Variants in TRPS1 observed in about 807,000 individuals in gnomAD.
TRPS1 encodes zinc finger transcription factor Trps1.
A neutral mutation model predicts 101.2 loss-of-function variants in TRPS1; 6 were observed. The observed-to-expected ratio is 0.06, with a 90% CI of 0.03 to 0.12. TRPS1 has a LOEUF of 0.12. Ranked by LOEUF, TRPS1 falls within the 10% of genes least tolerant of loss-of-function variation. The pLI, the probability that TRPS1 is intolerant of heterozygous loss-of-function variation, is 1.00. For missense variants in TRPS1, 1,363 were observed against 1,567.0 expected (o/e 0.87, Z 2.20); for synonymous variants, 578 against 589.8 (o/e 0.98, Z 0.29).
At chr8:115,446,836 G>A (rs1208616012) in intron 5 of TRPS1, among the ~76,000 whole-genome samples, 1 of 152,050 alleles carries the variant, frequency 6.6e-6, no homozygotes, top group Non-Finnish European at 1.5e-5. Context: ...CTATTCTGAC[G>A]TCTTTTTATG....
intron 4 of TRPS1, among the ~76,000 whole-genome samples, chr8:115,597,380 A>G (rs1375115935): frequency 6.6e-6 from 1 of 151,946 alleles, no homozygotes; most frequent in Non-Finnish European, 1.5e-5. Context: ...AACTTTATCA[A>G]TCCTTAGCTT....
At position 115,587,376 on chromosome 8, in the gene TRPS1, C is replaced by T. The variant is rs1158536861; in HGVS notation, c.2325G>A (p.Glu775=). The change falls in exon 5 of 7, where the codon GAG becomes GAA. Residue 775 remains glutamate (E), a synonymous_variant. Coordinates refer to ENST00000395715, the MANE Select transcript of TRPS1 (RefSeq NM_014112.5). ...CCAGCTTCTCTCTCTTCACCACACT[C>T]TCAGAAACTGGCTCTCCCATTTTAG... ...PDSKMGEPVS[E]SVVKREKLEE... 6 of 1,614,230 alleles carry T rather than the reference C, an allele frequency of 3.7e-6. No individual in the cohort carries two copies. The highest frequency in any genetic ancestry group is 4.2e-6 in the Non-Finnish European group (5 of 1,180,024).
intron 5 of TRPS1, among the ~76,000 whole-genome samples, chr8:115,573,854 A>G (rs1415294561): frequency 6.6e-6 from 1 of 152,072 alleles, no homozygotes; most frequent in East Asian, 1.9e-4. Flanking sequence ...TGTTTCTTCT[A>G]TATTGGCTTA....
chr8:115,486,514 G>A (rs1016035663), intron 5 of TRPS1, among the ~76,000 whole-genome samples: 4 of 152,232 alleles, frequency 2.6e-5, no homozygotes, highest in Non-Finnish European at 5.9e-5. Context: ...GAGACAGGCC[G>A]AAAGCTAGGC....
At chr8:115,520,103 C>T (rs916204513) in intron 5 of TRPS1, among the ~76,000 whole-genome samples, 6 of 151,306 alleles carry the variant, frequency 4.0e-5, no homozygotes, top group Non-Finnish European at 5.9e-5. Context: ...AATTCATCAA[C>T]AGATGACATG....
chr8:115,464,665 G>C (rs1814274050), intron 5 of TRPS1, among the ~76,000 whole-genome samples: 2 of 152,078 alleles, frequency 1.3e-5, no homozygotes, highest in African/African-American at 4.8e-5. Context: ...ACTCATTTTT[G>C]TAATACAACA....
At chr8:115,493,149 A>G (rs1476458781) in intron 5 of TRPS1, among the ~76,000 whole-genome samples, 2 of 152,208 alleles carry the variant, frequency 1.3e-5, no homozygotes, top group Non-Finnish European at 2.9e-5. Context: ...CTGGACTATT[A>G]GCAAGAGTCT....
chr8:115,516,994 T>TA lies in TRPS1; in HGVS notation c.2700+70006dup, dbSNP rs952008666. On this transcript the variant is annotated intron_variant, in intron 5 of 6. Transcript: ENST00000395715. ...ATTTTTGCAAGGAGTGGTTAGTGGT[T>TA]AAAAAAAAAAAAATTCCTTTTCCGG... is the stretch of plus-strand genomic sequence containing the variant. Among the ~76,000 whole-genome samples, 843 of 144,938 alleles carry TA rather than the reference T, an allele frequency of 5.8e-3. 7 individuals are homozygous for TA. Among genetic ancestry groups the TA allele is most frequent in the African/African-American group, 0.018 (717 of 40,000 alleles).
chr8:115,583,046 A>C (rs192666674), intron 5 of TRPS1, among the ~76,000 whole-genome samples: 2 of 152,298 alleles, frequency 1.3e-5, no homozygotes, highest in Non-Finnish European at 2.9e-5. Context: ...AAAACTACAC[A>C]ATGTTGGTTA....
At chr8:115,601,149 GC>G (rs1817898877) in intron 4 of TRPS1, among the ~76,000 whole-genome samples, 1 of 152,062 alleles carries the variant, frequency 6.6e-6, no homozygotes, top group South Asian at 2.1e-4. Context: ...ACAGTTCATG[GC>G]TTATGCTAAT....
intron 3 of TRPS1, among the ~76,000 whole-genome samples, chr8:115,616,264 T>C (rs1324988035): frequency 1.3e-5 from 2 of 152,238 alleles, no homozygotes; most frequent in East Asian, 3.9e-4. Flanking sequence ...ACTTAGTCAT[T>C]TGTGATCTAA....
intron 5 of TRPS1, among the ~76,000 whole-genome samples, chr8:115,569,619 CTCT>C (rs1426818083): frequency 6.6e-6 from 1 of 152,054 alleles, no homozygotes; most frequent in Non-Finnish European, 1.5e-5. Context: ...TAGTATCTTT[CTCT>C]TCTTCTTATC....
At chr8:115,445,567 A>G (rs1057412234) in intron 5 of TRPS1, among the ~76,000 whole-genome samples, 3 of 152,202 alleles carry the variant, frequency 2.0e-5, no homozygotes, top group South Asian at 2.1e-4. Context: ...TTGTTACTGT[A>G]TGAGATCGCA....
chr8:115,415,204 G>A (rs1812890057), intron 6 of TRPS1, 120 bp from the exon 7 acceptor site: 2 of 1,069,564 alleles, frequency 1.9e-6, no homozygotes, highest in Non-Finnish European at 2.6e-6. Context: ...GCTTTCTGCT[G>A]TAGATTTACT....
intron 5 of TRPS1, among the ~76,000 whole-genome samples, chr8:115,424,828 G>A (rs528237798): frequency 2.9e-4 from 44 of 152,274 alleles, no homozygotes; most frequent in Middle Eastern, 3.4e-3. Flanking sequence ...GACTTAATGT[G>A]TTCATGACTG....
chr8:115,457,005 G>A (rs1586292330), intron 5 of TRPS1, among the ~76,000 whole-genome samples: 1 of 152,092 alleles, frequency 6.6e-6, no homozygotes, highest in Non-Finnish European at 1.5e-5. Flanking sequence ...CTAAGGACAG[G>A]GCAGGGAACA....
intron 5 of TRPS1, among the ~76,000 whole-genome samples, chr8:115,463,910 A>T (rs1814252262): frequency 6.6e-6 from 1 of 151,712 alleles, no homozygotes; most frequent in East Asian, 1.9e-4. Flanking sequence ...AATATAAAAT[A>T]ACTAATATAA....
intron 4 of TRPS1, among the ~76,000 whole-genome samples, chr8:115,594,205 G>A (rs1817738261): frequency 6.6e-6 from 1 of 151,984 alleles, no homozygotes; most frequent in African/African-American, 2.4e-5. Flanking sequence ...GGTACATTAA[G>A]CCAAACTAAT....
chr8:115,667,838 A>G (rs1374646730), intron 1 of TRPS1: 1 of 1,535,050 alleles, frequency 6.5e-7, no homozygotes, highest in Non-Finnish European at 8.7e-7. Flanking sequence ...CCCGTCTCTG[A>G]GACCCTCCCG....
Sources: gnomAD v4.1 joint callset for allele counts (sites outside exome capture counted in the v4.1 genomes callset) on GRCh38, gnomAD v4.1.1 for gene constraint, MANE v1.5 for transcripts, NCBI Gene and HGNC (gene_info 2026-07-23, HGNC 2026-07-21) for gene names.